Variants in CERS6 observed in about 807,000 individuals in gnomAD.
CERS6 encodes LAG1 homolog, ceramide synthase 6.
A neutral mutation model predicts 56.8 loss-of-function variants in CERS6; 26 were observed. The ratio of observed to expected loss-of-function variants is 0.46; its 90% CI spans 0.34 to 0.63. The LOEUF (loss-of-function observed/expected upper bound fraction) is 0.63. CERS6 is among the 30% of genes least tolerant of loss of function. The pLI, the probability that CERS6 is intolerant of heterozygous loss-of-function variation, is 0.01. For missense variants in CERS6, 415 were observed against 467.5 expected (o/e 0.89, Z 1.04); for synonymous variants, 164 against 173.3 (o/e 0.95, Z 0.42).
At chr2:168,488,868 A>G (rs1263736402) in intron 1 of CERS6, among the ~76,000 whole-genome samples, 1 of 152,154 alleles carries the variant, frequency 6.6e-6, no homozygotes, top group Non-Finnish European at 1.5e-5. Flanking sequence ...GTAGGTTATA[A>G]TCATGATGTA....
intron 3 of CERS6, among the ~76,000 whole-genome samples, chr2:168,593,254 G>T (rs543336950): frequency 6.6e-6 from 1 of 152,274 alleles, no homozygotes; most frequent in South Asian, 2.1e-4. Flanking sequence ...CTTTGACCGT[G>T]TAAGGTAATA....
At chr2:168,613,241 CCGA>C (rs1684230543) in intron 3 of CERS6, among the ~76,000 whole-genome samples, 1 of 152,124 alleles carries the variant, frequency 6.6e-6, no homozygotes, top group Non-Finnish European at 1.5e-5. Flanking sequence ...GCCTCAGGTG[CCGA>C]CGTTTGGGTG....
intron 4 of CERS6, among the ~76,000 whole-genome samples, chr2:168,675,464 T>C (rs1686034612): frequency 6.6e-6 from 1 of 151,870 alleles, no homozygotes; most frequent in Admixed American, 6.5e-5. Context: ...CATGCACGTG[T>C]AGTTCCAGCT....
At chr2:168,492,237 C>T (rs1694387168) in intron 1 of CERS6, among the ~76,000 whole-genome samples, 1 of 152,208 alleles carries the variant, frequency 6.6e-6, no homozygotes, top group Non-Finnish European at 1.5e-5. Flanking sequence ...TTCCCACCAA[C>T]AGCGTAAAAG....
At chr2:168,661,919 A>G (rs894824717) in intron 4 of CERS6, among the ~76,000 whole-genome samples, 2 of 152,264 alleles carry the variant, frequency 1.3e-5, no homozygotes, top group Non-Finnish European at 2.9e-5. Context: ...CTAAGAGTCA[A>G]AGGATAATTT....
rs143862842 is a variant in CERS6, at chr2:168,737,488, G to A, written c.845+19510G>A. Among the ~76,000 whole-genome samples the A allele has an allele frequency of 2.8e-3, 421 of 152,280 alleles. 2 individuals are homozygous for A. The highest frequency in any genetic ancestry group is 9.4e-3 in the African/African-American group (392 of 41,568). ...TCATGGGAAATTCATTAGGGGTGAT[G>A]TGAAATTATAAAATGAAGGGCTGCA... On this transcript the variant is annotated intron_variant, in intron 8 of 9. Transcript: ENST00000305747.
intron 1 of CERS6, among the ~76,000 whole-genome samples, chr2:168,475,903 G>A (rs1305016861): frequency 2.0e-5 from 3 of 152,096 alleles, no homozygotes; most frequent in African/African-American, 2.4e-5. Flanking sequence ...TGTTAATGTC[G>A]AATACAACTA....
chr2:168,640,674 T>G (rs1053269516), intron 4 of CERS6, among the ~76,000 whole-genome samples: 1 of 152,230 alleles, frequency 6.6e-6, no homozygotes, highest in Non-Finnish European at 1.5e-5. Flanking sequence ...CTTCAGGGAT[T>G]TTGTAATCTA....
At chr2:168,696,968 G>A (rs1377300038) in intron 6 of CERS6, among the ~76,000 whole-genome samples, 1 of 152,158 alleles carries the variant, frequency 6.6e-6, no homozygotes, top group African/African-American at 2.4e-5. Flanking sequence ...TTTACATTAT[G>A]ATGGAGCACA....
At chr2:168,584,338 A>T (rs1683490148) in intron 3 of CERS6, among the ~76,000 whole-genome samples, 1 of 152,212 alleles carries the variant, frequency 6.6e-6, no homozygotes, top group South Asian at 2.1e-4. Context: ...TGTGGAAATT[A>T]ACAAACCTTT....
intron 4 of CERS6, among the ~76,000 whole-genome samples, chr2:168,631,502 TATA>T (rs1318587449): frequency 4.1e-5 from 5 of 123,190 alleles, no homozygotes; most frequent in Admixed American, 2.1e-4. Flanking sequence ...TATATATTAA[TATA>T]ATATATATAA....
chr2:168,533,942 T>C (rs554945713), intron 1 of CERS6, among the ~76,000 whole-genome samples: 3 of 152,224 alleles, frequency 2.0e-5, no homozygotes, highest in Admixed American at 2.0e-4. Flanking sequence ...TCTAGTCTTG[T>C]CTGCATGCCT....
chr2:168,581,004 G>A (rs945730721), intron 3 of CERS6, among the ~76,000 whole-genome samples: 1 of 151,050 alleles, frequency 6.6e-6, no homozygotes, highest in African/African-American at 2.4e-5. Flanking sequence ...TTAAATCTAT[G>A]AATCTATGGA....
intron 1 of CERS6, among the ~76,000 whole-genome samples, chr2:168,488,619 T>C (rs752732320): frequency 6.6e-6 from 1 of 152,134 alleles, no homozygotes; most frequent in Non-Finnish European, 1.5e-5. Flanking sequence ...CCCTCAGTTA[T>C]TTGTTTCTTC....
intron 1 of CERS6, among the ~76,000 whole-genome samples, chr2:168,527,481 C>T (rs979774733): frequency 2.0e-5 from 3 of 152,142 alleles, no homozygotes; most frequent in Non-Finnish European, 4.4e-5. Context: ...TTTTATGCTG[C>T]TGTAATAAAA....
At chr2:168,659,443 A>G (rs1267137111) in intron 4 of CERS6, among the ~76,000 whole-genome samples, 1 of 152,222 alleles carries the variant, frequency 6.6e-6, no homozygotes, top group Non-Finnish European at 1.5e-5. Context: ...TATGTATGTT[A>G]TTTTAAATAA....
intron 1 of CERS6, among the ~76,000 whole-genome samples, chr2:168,483,987 A>C (rs1260985133): frequency 6.6e-6 from 1 of 152,100 alleles, no homozygotes; most frequent in African/African-American, 2.4e-5. Flanking sequence ...CCACACTTTG[A>C]GAACTACTGG....
At chr2:168,662,836 C>A (rs1000999580) in intron 4 of CERS6, among the ~76,000 whole-genome samples, 3 of 152,258 alleles carry the variant, frequency 2.0e-5, no homozygotes, top group African/African-American at 7.2e-5. Context: ...AAAGTCTTTG[C>A]AGCTTCCTGC....
chr2:168,613,832 C>A (rs553449501), intron 3 of CERS6, among the ~76,000 whole-genome samples: 2 of 152,206 alleles, frequency 1.3e-5, no homozygotes, highest in Non-Finnish European at 2.9e-5. Context: ...GTCTCACTGT[C>A]TTCCCATGCT....
Sources: gnomAD v4.1 joint callset for allele counts (sites outside exome capture counted in the v4.1 genomes callset) on GRCh38, gnomAD v4.1.1 for gene constraint, MANE v1.5 for transcripts, NCBI Gene and HGNC (gene_info 2026-07-23, HGNC 2026-07-21) for gene names.